Variants in CCSER1 observed in about 807,000 individuals in gnomAD.
CCSER1 encodes serine-rich coiled-coil domain-containing protein 1.
In CCSER1, 41 loss-of-function variants were observed where a neutral mutation model predicts 82.0. That is an observed-to-expected ratio of 0.50 (90% CI 0.39 to 0.65). The LOEUF is 0.65. CCSER1 is among the 30% of genes least tolerant of loss of function. The pLI is 0.00. For synonymous variants in CCSER1, 414 were observed against 383.9 expected, an observed-to-expected ratio of 1.08 and a Z score of -0.92; for missense variants, 1,119 against 1,064.2, an observed-to-expected ratio of 1.05 and a Z score of -0.72.
intron 4 of CCSER1, among the ~76,000 whole-genome samples, chr4:90,408,461 C>A (rs985376216): frequency 2.6e-5 from 4 of 152,180 alleles, no homozygotes; most frequent in Non-Finnish European, 5.9e-5. Context: ...TAAGCAGCAG[C>A]ATTTGCGGTT....
intron 5 of CCSER1, among the ~76,000 whole-genome samples, chr4:90,505,452 A>G (rs1224256776): frequency 6.6e-6 from 1 of 152,196 alleles, no homozygotes; most frequent in African/African-American, 2.4e-5. Flanking sequence ...GGTCTAAGTG[A>G]TGCTGATTGA....
chr4:91,122,606 A>G (rs572379661), intron 10 of CCSER1, among the ~76,000 whole-genome samples: 10 of 151,946 alleles, frequency 6.6e-5, no homozygotes, highest in African/African-American at 2.4e-4. Context: ...GCAAACAATA[A>G]CCCCAACTCA....
At chr4:90,719,123 G>A (rs965814700) in intron 6 of CCSER1, among the ~76,000 whole-genome samples, 1 of 152,110 alleles carries the variant, frequency 6.6e-6, no homozygotes, top group Non-Finnish European at 1.5e-5. Context: ...AGTGAGCTAA[G>A]CTTCAGCTGT....
intron 7 of CCSER1, among the ~76,000 whole-genome samples, chr4:90,734,372 G>T (rs183650277): frequency 6.6e-6 from 1 of 151,972 alleles, no homozygotes; most frequent in African/African-American, 2.4e-5. Context: ...TGATCTGCCC[G>T]CCTTGGCCTC....
chr4:90,685,626 G>A (rs1048243668), intron 6 of CCSER1, among the ~76,000 whole-genome samples: 6 of 152,058 alleles, frequency 3.9e-5, no homozygotes, highest in South Asian at 2.1e-4. Context: ...CTCTGTGTTC[G>A]GTGAAGTCCT....
chr4:91,136,328 C>T (rs1249305942), intron 10 of CCSER1, among the ~76,000 whole-genome samples: 1 of 152,150 alleles, frequency 6.6e-6, no homozygotes, highest in East Asian at 1.9e-4. Context: ...GGGGTTGTTT[C>T]CTTCAAAGAT....
At chr4:90,338,423 T>C (rs1740795629) in intron 3 of CCSER1, among the ~76,000 whole-genome samples, 1 of 152,202 alleles carries the variant, frequency 6.6e-6, no homozygotes, top group Non-Finnish European at 1.5e-5. Context: ...AATTGAAAAA[T>C]TGAAGTTCCT....
At chr4:91,366,018 T>G (rs1030957271) in intron 10 of CCSER1, among the ~76,000 whole-genome samples, 7 of 152,120 alleles carry the variant, frequency 4.6e-5, no homozygotes, top group Non-Finnish European at 7.4e-5. Context: ...ACTCTCACCT[T>G]CTTTGGGGGG....
At chr4:91,436,432 A>C (rs986411825) in intron 10 of CCSER1, among the ~76,000 whole-genome samples, 1 of 152,216 alleles carries the variant, frequency 6.6e-6, no homozygotes, top group African/African-American at 2.4e-5. Flanking sequence ...TTTTTCTCCA[A>C]AAATTTTCTC....
intron 10 of CCSER1, among the ~76,000 whole-genome samples, chr4:91,247,361 G>A (rs1462201825): frequency 6.6e-6 from 1 of 151,830 alleles, no homozygotes; most frequent in Non-Finnish European, 1.5e-5. Flanking sequence ...AATGATGGAA[G>A]CCAGGATTGA....
At chr4:90,297,687 A>C (rs1654164406) in intron 1 of CCSER1, among the ~76,000 whole-genome samples, 1 of 151,640 alleles carries the variant, frequency 6.6e-6, no homozygotes, top group Non-Finnish European at 1.5e-5. Flanking sequence ...TAATTTATTG[A>C]GAGTTTTTAG....
chr4:91,187,279 C>A (rs1242835610), intron 10 of CCSER1, among the ~76,000 whole-genome samples: 1 of 152,214 alleles, frequency 6.6e-6, no homozygotes, highest in Non-Finnish European at 1.5e-5. Flanking sequence ...ATTCGGCCAT[C>A]TTGGCACCTC....
At chr4:90,714,072 C>T (rs573776169) in intron 6 of CCSER1, among the ~76,000 whole-genome samples, 8 of 151,926 alleles carry the variant, frequency 5.3e-5, no homozygotes, top group Admixed American at 2.6e-4. Flanking sequence ...TGAATTCATT[C>T]GCCCCTTTTC....
At chr4:90,714,703 T>G (rs1304903714) in intron 6 of CCSER1, among the ~76,000 whole-genome samples, 1 of 151,956 alleles carries the variant, frequency 6.6e-6, no homozygotes, top group Non-Finnish European at 1.5e-5. Context: ...AATTTTGACA[T>G]AAAGTTAGAA....
intron 10 of CCSER1, among the ~76,000 whole-genome samples, chr4:91,118,853 A>G (rs925536062): frequency 6.6e-6 from 1 of 152,150 alleles, no homozygotes; most frequent in African/African-American, 2.4e-5. Flanking sequence ...GTTTTTGTAG[A>G]AGATGTTTCT....
intron 9 of CCSER1, among the ~76,000 whole-genome samples, chr4:91,034,541 ACAC>A (rs10535315): frequency 0.14 from 10,947 of 76,330 alleles, 547 homozygotes; most frequent in East Asian, 0.41. Context: ...AAAATTTCAT[ACAC>A]CCCCCCCAAT....
At chr4:90,800,903 A>T (rs529787545) in intron 7 of CCSER1, among the ~76,000 whole-genome samples, 1 of 152,218 alleles carries the variant, frequency 6.6e-6, no homozygotes, top group Admixed American at 6.5e-5. Flanking sequence ...GAATTGGATC[A>T]AACAAAAAAA....
intron 10 of CCSER1, among the ~76,000 whole-genome samples, chr4:91,172,076 A>G (rs1051304539): frequency 6.6e-6 from 1 of 152,112 alleles, no homozygotes; most frequent in African/African-American, 2.4e-5. Context: ...ATAAAAGCCC[A>G]TTGATATAAA....
chr4:91,032,543 T>C (rs1211983876), intron 9 of CCSER1, among the ~76,000 whole-genome samples: 1 of 152,204 alleles, frequency 6.6e-6, no homozygotes, highest in Non-Finnish European at 1.5e-5. Flanking sequence ...GGCATTCTTG[T>C]CAGACTTCAA....
Sources: gnomAD v4.1 joint callset for allele counts (sites outside exome capture counted in the v4.1 genomes callset) on GRCh38, gnomAD v4.1.1 for gene constraint, MANE v1.5 for transcripts, NCBI Gene and HGNC (gene_info 2026-07-23, HGNC 2026-07-21) for gene names.